The following TULP3 variants were observed in gnomAD, a reference collection of about 807,000 sequenced individuals.
TULP3 encodes the protein TUB like protein 3.
In TULP3, 38 loss-of-function variants were observed where a neutral mutation model predicts 50.7. That is an observed-to-expected ratio of 0.75 (90% CI 0.58 to 0.98). TULP3 has a LOEUF of 0.98. Among genes scored for constraint, TULP3 ranks in the 50% least tolerant of loss-of-function variants. The pLI is 0.00. For synonymous variants in TULP3, 183 were observed against 196.6 expected (o/e 0.93, Z 0.58); for missense variants, 550 against 568.0 (o/e 0.97, Z 0.32).
chr12:2,891,318 CG>C (rs1437525791), intron 1 of TULP3, among the ~76,000 whole-genome samples: 2 of 152,170 alleles, frequency 1.3e-5, no homozygotes, highest in African/African-American at 4.8e-5. Context: ...GCGCTGGCCC[CG>C]CTCAGCTCCC....
chr12:2,906,367 CCTGGCTAGAGTGGTGCA>C (rs1312488086), intron 1 of TULP3, among the ~76,000 whole-genome samples: 1 of 150,948 alleles, frequency 6.6e-6, no homozygotes, highest in Admixed American at 6.6e-5. Flanking sequence ...GCTCTGTCAT[CCTGGCTAGAGTGGTGCA>C]GTGGCGCAAT....
At position 2,918,742 on chromosome 12, in the gene TULP3, G is replaced by A. The variant is rs552105625; in HGVS notation, c.94-2021G>A. On this transcript the variant is annotated intron_variant, in intron 2 of 10. Coordinates refer to ENST00000448120, the MANE Select transcript of TULP3 (RefSeq NM_003324.5). ...TTTAGTAGAGACGGGGTTTCTCCATGTTGGTCAGGCTGGCTTTGAACTCCC... is the reference window on the plus strand; with the variant it reads ...TTTAGTAGAGACGGGGTTTCTCCATATTGGTCAGGCTGGCTTTGAACTCCC... Among the ~76,000 whole-genome samples the A allele has an allele frequency of 2.0e-5, 3 of 151,958 alleles. No homozygotes were observed. In the South Asian group the frequency reaches 6.2e-4, roughly 32 times the overall value.
chr12:2,891,447 A>G (rs986050763), intron 1 of TULP3, among the ~76,000 whole-genome samples: 1 of 152,080 alleles, frequency 6.6e-6, no homozygotes, highest in African/African-American at 2.4e-5. Context: ...TGAATTCTGG[A>G]GCAGAGTCCG....
At chr12:2,918,768 G>A (rs947710844) in intron 2 of TULP3, among the ~76,000 whole-genome samples, 2 of 151,780 alleles carry the variant, frequency 1.3e-5, no homozygotes, top group Admixed American at 1.3e-4. Context: ...TTGAACTCCC[G>A]ACCTCAGGTG....
intron 1 of TULP3, among the ~76,000 whole-genome samples, chr12:2,906,545 T>C (rs2098182358): frequency 6.7e-6 from 1 of 148,626 alleles, no homozygotes; most frequent in African/African-American, 2.5e-5. Flanking sequence ...GCCAGGCTGG[T>C]CTCGAACTTC....
At chr12:2,896,128 C>T (rs542249391) in intron 1 of TULP3, among the ~76,000 whole-genome samples, 120 of 152,034 alleles carry the variant, frequency 7.9e-4, no homozygotes, top group African/African-American at 2.8e-3. Flanking sequence ...TTAGTAGAAA[C>T]GGGGTTTTAC....
chr12:2,922,122 A>G (rs2098192120), intron 3 of TULP3, 140 bp from the exon 4 acceptor site: 2 of 1,053,568 alleles, frequency 1.9e-6, no homozygotes, highest in Admixed American at 5.4e-5. Context: ...TCTCTTAACA[A>G]ATGTTCTTAT....
At chr12:2,920,631 A>G in intron 2 of TULP3, 132 bp from the exon 3 acceptor site, 6 of 1,168,600 alleles carry the variant, frequency 5.1e-6, no homozygotes, top group East Asian at 2.4e-5. Context: ...CAGTTTTCCC[A>G]TTTCTTAAAT....
intron 1 of TULP3, among the ~76,000 whole-genome samples, chr12:2,907,212 C>T (rs1316422436): frequency 6.6e-6 from 1 of 152,054 alleles, no homozygotes; most frequent in African/African-American, 2.4e-5. Context: ...ATGCCTCACA[C>T]CTGTAATCCC....
At chr12:2,894,440 C>T (rs10848721) in intron 1 of TULP3, among the ~76,000 whole-genome samples, 72,271 of 151,578 alleles carry the variant, frequency 0.48, 17,670 homozygotes, top group African/African-American at 0.59. Context: ...GGAGCTGAGG[C>T]AGGAGAATCG....
Position 2,940,442 on chromosome 12 carries a change from C to G in TULP3, c.*998C>G. The G allele has an allele frequency of 1.4e-6, 2 of 1,478,504 alleles. No homozygotes were observed. The highest frequency in any genetic ancestry group is 1.4e-5 in the African/African-American group (1 of 71,026). The allele number at this position is 1,478,504 out of a possible 1,614,324, so 91.6% of individuals were successfully genotyped here. ...CTTCTCGGCTCCCTCAACCCTGGCTCAGGCACAGAAGGTGTTTTGCTACGT... is the reference window on the plus strand; with the variant it reads ...CTTCTCGGCTCCCTCAACCCTGGCTGAGGCACAGAAGGTGTTTTGCTACGT... On this transcript the variant is annotated 3_prime_UTR_variant, in exon 11 of 11. Transcript: ENST00000448120.
At chr12:2,927,777 C>T (rs2098195544) in intron 4 of TULP3, among the ~76,000 whole-genome samples, 1 of 152,028 alleles carries the variant, frequency 6.6e-6, no homozygotes, top group Non-Finnish European at 1.5e-5. Flanking sequence ...TGAATGTGCA[C>T]AAAAAGTGGT....
At chr12:2,918,408 A>C (rs914663661) in intron 2 of TULP3, among the ~76,000 whole-genome samples, 1 of 151,180 alleles carries the variant, frequency 6.6e-6, no homozygotes, top group African/African-American at 2.4e-5. Flanking sequence ...CACCGCGCCC[A>C]GCCTACAGTA....
chr12:2,908,420 G>T (rs1270889825), intron 1 of TULP3, among the ~76,000 whole-genome samples: 12 of 119,066 alleles, frequency 1.0e-4, no homozygotes, highest in African/African-American at 4.0e-4. Flanking sequence ...AGGCTTCAGA[G>T]AGAGGTTGTT....
At chr12:2,926,945 T>A (rs1028266327) in intron 4 of TULP3, among the ~76,000 whole-genome samples, 36 of 152,074 alleles carry the variant, frequency 2.4e-4, no homozygotes, top group African/African-American at 8.4e-4. Flanking sequence ...CAGTACAGAG[T>A]TCTACAACCA....
chr12:2,928,906 C>G (rs1361623467), intron 4 of TULP3, among the ~76,000 whole-genome samples: 1 of 151,964 alleles, frequency 6.6e-6, no homozygotes, highest in African/African-American at 2.4e-5. Flanking sequence ...GATGGTGCCA[C>G]TGCACTCCAG....
intron 4 of TULP3, among the ~76,000 whole-genome samples, chr12:2,925,766 T>G (rs1276833444): frequency 3.9e-5 from 6 of 152,216 alleles, no homozygotes; most frequent in Non-Finnish European, 8.8e-5. Flanking sequence ...CAAAGCTAAA[T>G]TACTCACCCT....
chr12:2,928,848 G>T (rs1309684193), intron 4 of TULP3, among the ~76,000 whole-genome samples: 8 of 152,038 alleles, frequency 5.3e-5, no homozygotes, highest in Admixed American at 2.6e-4. Context: ...GGGAGGCTGA[G>T]ACAAGAGAAT....
At chr12:2,925,126 C>T (rs2098193981) in intron 4 of TULP3, among the ~76,000 whole-genome samples, 1 of 151,902 alleles carries the variant, frequency 6.6e-6, no homozygotes, top group South Asian at 2.1e-4. Context: ...CGAGATCACG[C>T]CACTACACTC....
Sources: gnomAD v4.1 joint callset for allele counts (sites outside exome capture counted in the v4.1 genomes callset) on GRCh38, gnomAD v4.1.1 for gene constraint, MANE v1.5 for transcripts, NCBI Gene and HGNC (gene_info 2026-07-23, HGNC 2026-07-21) for gene names.